Variants in OSBPL10 observed in about 807,000 individuals in gnomAD.
OSBPL10 encodes oxysterol-binding protein-related protein 10.
OSBPL10 carries 49 observed loss-of-function variants against 81.7 expected under a neutral mutation model. The ratio of observed to expected loss-of-function variants is 0.60; its 90% CI spans 0.48 to 0.76. The LOEUF (loss-of-function observed/expected upper bound fraction) is 0.76. Ranked by LOEUF, OSBPL10 falls within the 30% of genes least tolerant of loss-of-function variation. The pLI is 0.00. For missense variants in OSBPL10, 923 were observed against 987.8 expected (o/e 0.93, Z 0.88); for synonymous variants, 419 against 383.6 (o/e 1.09, Z -1.08).
At chr3:31,788,260 C>T (rs1309490532) in intron 4 of OSBPL10, among the ~76,000 whole-genome samples, 1 of 152,084 alleles carries the variant, frequency 6.6e-6, no homozygotes, top group African/African-American at 2.4e-5. Flanking sequence ...AGTTACTGTG[C>T]CAAATTTTAT....
At chr3:31,959,307 A>C (rs917818129) in intron 1 of OSBPL10, among the ~76,000 whole-genome samples, 1 of 152,246 alleles carries the variant, frequency 6.6e-6, no homozygotes, top group Non-Finnish European at 1.5e-5. Flanking sequence ...ATCTACTGAT[A>C]GATCAGAAGC....
At chr3:31,944,632 CTAATGCCTATAATACA>C (rs930644989) in intron 1 of OSBPL10, among the ~76,000 whole-genome samples, 4 of 151,250 alleles carry the variant, frequency 2.6e-5, no homozygotes, top group Non-Finnish European at 5.9e-5. Flanking sequence ...AAGGACAACT[CTAATGCCTATAATACA>C]TAATGCCTAT....
chr3:31,757,241 G>T (rs1697914784), intron 4 of OSBPL10, among the ~76,000 whole-genome samples: 1 of 152,112 alleles, frequency 6.6e-6, no homozygotes. Flanking sequence ...TCTATAAAGG[G>T]AATCAAGATA....
chr3:31,948,413 A>G (rs1031025678), intron 1 of OSBPL10, among the ~76,000 whole-genome samples: 1 of 152,138 alleles, frequency 6.6e-6, no homozygotes, highest in Admixed American at 6.5e-5. Context: ...CCCAGACTGA[A>G]GGCTTACCTC....
intron 4 of OSBPL10, among the ~76,000 whole-genome samples, chr3:31,765,491 A>G (rs528212837): frequency 5.7e-4 from 55 of 95,866 alleles, no homozygotes; most frequent in African/African-American, 1.5e-3. Context: ...AGCATGAGTG[A>G]GTGAGTGAAT....
chr3:31,769,662 A>G (rs1698317668), intron 4 of OSBPL10, among the ~76,000 whole-genome samples: 1 of 151,570 alleles, frequency 6.6e-6, no homozygotes, highest in Non-Finnish European at 1.5e-5. Flanking sequence ...TGTGCAGACT[A>G]CAGGATTTGG....
At chr3:31,731,823 A>AT (rs980598060) in intron 6 of OSBPL10, among the ~76,000 whole-genome samples, 1 of 151,884 alleles carries the variant, frequency 6.6e-6, no homozygotes, top group Non-Finnish European at 1.5e-5. Flanking sequence ...TCGTATGCTA[A>AT]TTTTTTTTGC....
chr3:32,070,906 C>A lies in OSBPL10; in HGVS notation n.185+6490G>T, dbSNP rs572504979. 8.5e-5 allele frequency among the ~76,000 whole-genome samples: 13 copies of A among 152,350 alleles called. No homozygotes were observed. The South Asian group carries it at 1.7e-3, about 19-fold the overall frequency. On this transcript the variant is annotated intron_variant and non_coding_transcript_variant, in intron 1 of 3. Coordinates refer to the OSBPL10 transcript ENST00000479173. ...CTTTTACCTGGACTGACCCTGACAC[C>A]CATCAGTCCCAGCAGCTTACCTGGG... is the stretch of plus-strand genomic sequence containing the variant.
chr3:31,741,873 C>T lies in OSBPL10; in HGVS notation c.940+6037G>A, dbSNP rs1264009109. Among the ~76,000 whole-genome samples the T allele has an allele frequency of 4.6e-5, 7 of 152,268 alleles. No homozygotes were observed. The East Asian group carries it at 9.7e-4, about 21-fold the overall frequency. On this transcript the variant is annotated intron_variant, in intron 5 of 11. Transcript: ENST00000396556. Reference sequence around the variant, plus strand: ...TCACGAGATCTGATGGTTTTAAAAACGGGAGTTTCTCTGCACAAGCTCTCT... The same window carrying T: ...TCACGAGATCTGATGGTTTTAAAAATGGGAGTTTCTCTGCACAAGCTCTCT...
At chr3:31,865,067 G>A (rs572433540) in intron 3 of OSBPL10, among the ~76,000 whole-genome samples, 1 of 152,286 alleles carries the variant, frequency 6.6e-6, no homozygotes, top group Admixed American at 6.5e-5. Flanking sequence ...CAGAAAGGGA[G>A]AAGAAAAGAA....
intron 4 of OSBPL10, among the ~76,000 whole-genome samples, chr3:31,785,404 A>G (rs1698836009): frequency 6.6e-6 from 1 of 152,168 alleles, no homozygotes; most frequent in South Asian, 2.1e-4. Flanking sequence ...TGGGAGGGAG[A>G]CAGGGAAACA....
At chr3:32,014,812 G>A (rs1002176001) in intron 2 of OSBPL10, among the ~76,000 whole-genome samples, 1 of 152,068 alleles carries the variant, frequency 6.6e-6, no homozygotes, top group Admixed American at 6.5e-5. Flanking sequence ...CAGACAAACA[G>A]AGATCCAAAT....
chr3:31,808,540 A>G (rs548818513), intron 4 of OSBPL10, among the ~76,000 whole-genome samples: 1 of 152,354 alleles, frequency 6.6e-6, no homozygotes, highest in Non-Finnish European at 1.5e-5. Flanking sequence ...ATCAATCACT[A>G]GGCTTGCTCT....
At chr3:31,681,159 T>C (rs930179022) in intron 8 of OSBPL10, among the ~76,000 whole-genome samples, 4 of 152,184 alleles carry the variant, frequency 2.6e-5, no homozygotes, top group African/African-American at 4.8e-5. Context: ...GAATGTCTCA[T>C]TGGTGAACTT....
intron 2 of OSBPL10, among the ~76,000 whole-genome samples, chr3:32,034,191 C>T (rs904841135): frequency 3.3e-5 from 5 of 152,090 alleles, no homozygotes; most frequent in Admixed American, 6.6e-5. Context: ...CCACCTTTGA[C>T]GTGTAGGGAT....
At chr3:31,903,632 T>A (rs1232659703) in intron 1 of OSBPL10, among the ~76,000 whole-genome samples, 2 of 152,094 alleles carry the variant, frequency 1.3e-5, no homozygotes. Flanking sequence ...TGCTCAGCTA[T>A]TAGCCCTTTT....
chr3:31,769,480 CAG>C (rs1292257528), intron 4 of OSBPL10, among the ~76,000 whole-genome samples: 10 of 62,198 alleles, frequency 1.6e-4, no homozygotes, highest in Non-Finnish European at 1.9e-4. Flanking sequence ...CAAAAAAAAA[CAG>C]AATAAAAATA....
At chr3:31,847,339 G>A (rs1241649533) in intron 3 of OSBPL10, among the ~76,000 whole-genome samples, 3 of 152,102 alleles carry the variant, frequency 2.0e-5, no homozygotes, top group Non-Finnish European at 4.4e-5. Flanking sequence ...TGGGAGTACA[G>A]GCGTGCCCAC....
intron 7 of OSBPL10, among the ~76,000 whole-genome samples, chr3:31,696,512 G>A (rs1336483088): frequency 6.6e-6 from 1 of 152,150 alleles, no homozygotes; most frequent in East Asian, 1.9e-4. Context: ...CCATTTGCAG[G>A]CCCCAGCTTT....
Sources: allele counts gnomAD v4.1 joint callset (sites outside exome capture counted in the v4.1 genomes callset), GRCh38; gene constraint gnomAD v4.1.1; transcripts MANE v1.5; gene names NCBI Gene and HGNC (gene_info 2026-07-23, HGNC 2026-07-21).